Variants in PHLPP1 observed in about 807,000 individuals in gnomAD.
The protein encoded by PHLPP1 is PH domain leucine-rich repeat-containing protein phosphatase 1.
In PHLPP1, 42 loss-of-function variants were observed where a neutral mutation model predicts 117.2. That is an observed-to-expected ratio of 0.36 (90% CI 0.28 to 0.46). The LOEUF (loss-of-function observed/expected upper bound fraction) is 0.46, where lower values mean the gene tolerates loss of function less well. Among genes scored for constraint, PHLPP1 ranks in the 20% least tolerant of loss-of-function variants. PHLPP1 has a pLI of 1.00. For missense variants in PHLPP1, 2,084 were observed against 2,241.9 expected (o/e 0.93, Z 1.42); for synonymous variants, 1,042 against 970.7 (o/e 1.07, Z -1.37).
chr18:62,776,047 T>C (rs1247009462), intron 1 of PHLPP1, among the ~76,000 whole-genome samples: 3 of 152,070 alleles, frequency 2.0e-5, no homozygotes, highest in South Asian at 2.1e-4. Context: ...GGCATAGATA[T>C]ATATCTATAA....
At chr18:62,884,895 G>A (rs552688167) in intron 4 of PHLPP1, among the ~76,000 whole-genome samples, 1 of 152,276 alleles carries the variant, frequency 6.6e-6, no homozygotes, top group East Asian at 1.9e-4. Flanking sequence ...TTTTAGTCAA[G>A]TTTTCAAGTG....
intron 1 of PHLPP1, among the ~76,000 whole-genome samples, chr18:62,814,367 T>C (rs1387485071): frequency 1.3e-5 from 2 of 152,240 alleles, no homozygotes; most frequent in African/African-American, 4.8e-5. Context: ...TTTTAGCTTC[T>C]TAGCTCTGAG....
chr18:62,936,746 G>T (rs1040799948), intron 10 of PHLPP1, among the ~76,000 whole-genome samples: 1 of 152,160 alleles, frequency 6.6e-6, no homozygotes, highest in Non-Finnish European at 1.5e-5. Context: ...AATGTTTGTC[G>T]AGTACACTTC....
intron 4 of PHLPP1, among the ~76,000 whole-genome samples, chr18:62,871,954 T>C (rs80157580): frequency 1.5e-4 from 23 of 152,102 alleles, no homozygotes; most frequent in Admixed American, 5.9e-4. Context: ...CTAGCTCTTA[T>C]AAATGTGCCA....
intron 2 of PHLPP1, among the ~76,000 whole-genome samples, chr18:62,833,944 A>G (rs1017837456): frequency 3.9e-5 from 6 of 152,166 alleles, no homozygotes; most frequent in East Asian, 1.9e-4. Flanking sequence ...ACATTTGGTT[A>G]TATGTAGGAA....
At chr18:62,826,311 C>A (rs749192392) in intron 1 of PHLPP1, 1 of 372,302 alleles carries the variant, frequency 2.7e-6, no homozygotes. Flanking sequence ...ATAAGCTGAC[C>A]TTGGGGAATG....
At position 62,769,147 on chromosome 18, in the gene PHLPP1, C is replaced by T. The variant is rs1336427322; in HGVS notation, c.1576+51888C>T. On this transcript the variant is annotated intron_variant, in intron 1 of 16. Coordinates refer to ENST00000262719, the MANE Select transcript of PHLPP1 (RefSeq NM_194449.4). ...CGCTTAGCATTCTGTATCAAACTTT[C>T]AGAGATTATTTAACTGAAAGAAACA... Among the ~76,000 whole-genome samples, 9 of 152,238 alleles carry T rather than the reference C, an allele frequency of 5.9e-5. No homozygotes were observed. In the South Asian group the frequency reaches 1.7e-3, roughly 28 times the overall value.
At chr18:62,738,923 A>G (rs1012157043) in intron 1 of PHLPP1, among the ~76,000 whole-genome samples, 2 of 152,220 alleles carry the variant, frequency 1.3e-5, no homozygotes, top group Admixed American at 1.3e-4. Context: ...ACAACATTTT[A>G]TATGTCTGGA....
At chr18:62,726,403 A>C (rs1568095099) in intron 1 of PHLPP1, among the ~76,000 whole-genome samples, 1 of 150,430 alleles carries the variant, frequency 6.6e-6, no homozygotes, top group Non-Finnish European at 1.5e-5. Flanking sequence ...AGTTTTGTTT[A>C]CTAAGTCACT....
At chr18:62,900,062 C>T (rs969142606) in intron 6 of PHLPP1, among the ~76,000 whole-genome samples, 41 of 152,098 alleles carry the variant, frequency 2.7e-4, no homozygotes, top group Admixed American at 1.5e-3. Context: ...TTTGGGAGGC[C>T]GAGGCAGGTG....
intron 1 of PHLPP1, among the ~76,000 whole-genome samples, chr18:62,719,989 T>G (rs1910868411): frequency 6.6e-6 from 1 of 152,314 alleles, no homozygotes; most frequent in East Asian, 1.9e-4. Context: ...AAAGGTACTA[T>G]CTAATTACAG....
chr18:62,902,594 C>T (rs569311923), intron 6 of PHLPP1, among the ~76,000 whole-genome samples: 46 of 152,096 alleles, frequency 3.0e-4, no homozygotes, highest in Non-Finnish European at 6.0e-4. Flanking sequence ...ATGTTCTTTT[C>T]GGTATGGTGT....
chr18:62,873,108 G>A lies in PHLPP1; in HGVS notation c.2066+12507G>A, dbSNP rs553419656. Among the ~76,000 whole-genome samples, 6 of 152,132 alleles carry A rather than the reference G, an allele frequency of 3.9e-5. No individual in the cohort carries two copies. The South Asian group carries it at 8.3e-4, about 21-fold the overall frequency. On this transcript the variant is annotated intron_variant, in intron 4 of 16. Transcript: ENST00000262719. ...CCAAAGTGGTATATTTTGGGGTAGC[G>A]TATTCTGCAGTCCTTCATAAGGGAT...
intron 1 of PHLPP1, among the ~76,000 whole-genome samples, chr18:62,775,667 C>T (rs540050582): frequency 6.6e-6 from 1 of 152,292 alleles, no homozygotes; most frequent in South Asian, 2.1e-4. Flanking sequence ...TATCATTCAC[C>T]TAGTTGTCCA....
intron 10 of PHLPP1, among the ~76,000 whole-genome samples, chr18:62,927,793 A>G (rs1453126757): frequency 6.6e-6 from 1 of 152,166 alleles, no homozygotes; most frequent in Non-Finnish European, 1.5e-5. Context: ...AAAAATTGAC[A>G]GAACTATTAT....
At chr18:62,960,288 T>A (rs1910730532) in intron 13 of PHLPP1, among the ~76,000 whole-genome samples, 1 of 152,186 alleles carries the variant, frequency 6.6e-6, no homozygotes, top group Non-Finnish European at 1.5e-5. Context: ...CATATGAATA[T>A]CTTCACAAGT....
At chr18:62,915,849 C>T (rs1033269603) in intron 9 of PHLPP1, among the ~76,000 whole-genome samples, 1 of 152,166 alleles carries the variant, frequency 6.6e-6, no homozygotes, top group African/African-American at 2.4e-5. Flanking sequence ...TTTGTGTATC[C>T]ATTAATTCCA....
chr18:62,914,875 A>G (rs1909220243), intron 8 of PHLPP1, 38 bp from the exon 9 acceptor site: 4 of 1,445,134 alleles, frequency 2.8e-6, no homozygotes, highest in Non-Finnish European at 3.9e-6. Context: ...ACATTTGAGG[A>G]CAAATTCAAC....
chr18:62,730,966 G>T (rs1911209649), intron 1 of PHLPP1, among the ~76,000 whole-genome samples: 1 of 152,212 alleles, frequency 6.6e-6, no homozygotes, highest in Non-Finnish European at 1.5e-5. Context: ...CATTAAGGAA[G>T]ATGGGATCTA....
Sources: allele counts gnomAD v4.1 joint callset (sites outside exome capture counted in the v4.1 genomes callset), GRCh38; gene constraint gnomAD v4.1.1; transcripts MANE v1.5; gene names NCBI Gene and HGNC (gene_info 2026-07-23, HGNC 2026-07-21).